The following ERGIC2 variants were observed in gnomAD, a reference collection of about 807,000 sequenced individuals.
ERGIC2 encodes the protein endoplasmic reticulum-Golgi intermediate compartment protein 2.
In ERGIC2, 31 loss-of-function variants were observed where a neutral mutation model predicts 52.5. That is an observed-to-expected ratio of 0.59 (90% CI 0.44 to 0.80). The LOEUF (loss-of-function observed/expected upper bound fraction) is 0.80, where lower values mean the gene tolerates loss of function less well. Among genes scored for constraint, ERGIC2 ranks in the 30% least tolerant of loss-of-function variants. The pLI is 0.00. For missense variants in ERGIC2, 395 were observed against 455.2 expected (o/e 0.87, Z 1.20); for synonymous variants, 129 against 140.6 (o/e 0.92, Z 0.58).
Position 29,370,156 on chromosome 12 carries a change from G to C in ERGIC2, c.173C>G (p.Thr58Arg). The C allele has an allele frequency of 1.3e-6, 2 of 1,545,458 alleles. No individual in the cohort carries two copies. Among genetic ancestry groups the C allele is most frequent in the Non-Finnish European group, 1.7e-6 (2 of 1,156,766 alleles). ...TACTTCGTATTCATACTTCATCCAT[G>C]TATCTTGATATACTGAGAATTCCAT... ...TIMEFSVYQD[T>R]WMKYEYEVDK... Residue 58 changes from threonine to arginine, a missense_variant, in exon 3 of 14, where the codon ACA becomes AGA. By Grantham distance (71) the Thr-to-Arg change is moderately conservative. Transcript: ENST00000360150.
chr12:29,344,077 T>C (rs1014571319), intron 11 of ERGIC2, among the ~76,000 whole-genome samples: 1 of 152,204 alleles, frequency 6.6e-6, no homozygotes, highest in African/African-American at 2.4e-5. Flanking sequence ...TTTAAAAATA[T>C]ACCCTGGAGA....
At chr12:29,348,224 C>T (rs1940084703) in intron 10 of ERGIC2, among the ~76,000 whole-genome samples, 1 of 151,930 alleles carries the variant, frequency 6.6e-6, no homozygotes, top group Non-Finnish European at 1.5e-5. Context: ...TTCTAAACAT[C>T]TTTAATATAT....
Position 29,340,901 on chromosome 12 carries a change from G to A in ERGIC2, c.*255C>T, listed in dbSNP as rs759796513. 68 of 510,308 alleles carry A rather than the reference G, an allele frequency of 1.3e-4. No individual in the cohort carries two copies. Among genetic ancestry groups the A allele is most frequent in the African/African-American group, 5.7e-4 (29 of 50,806 alleles). 31.6% of individuals were successfully genotyped at this position (510,308 alleles called of 1,614,324 possible). On this transcript the variant is annotated 3_prime_UTR_variant, in exon 14 of 14. Transcript: ENST00000360150. ...ATTTGCTATGAAAATATAAGAAGGC[G>A]TCATCTTCAAAGCAACACTCCAGTT...
chr12:29,349,184 G>A lies in ERGIC2; in HGVS notation c.629-7C>T. 1 of 1,449,376 alleles carries A rather than the reference G, an allele frequency of 6.9e-7. No homozygotes were observed. Among genetic ancestry groups the A allele is most frequent in the Non-Finnish European group, 9.4e-7 (1 of 1,065,512 alleles). 89.8% of individuals were successfully genotyped at this position (1,449,376 alleles called of 1,614,324 possible). A position where few individuals can be genotyped will look rare whatever the true frequency, so the allele number is the denominator to read the frequency against. ...CTATGAGAAAAATTGTAAGCTAAAA[G>A]GCAAAAAATAAAAACAACTTAGCAG... On this transcript the variant is annotated splice_region_variant and splice_polypyrimidine_tract_variant and intron_variant, in intron 9 of 13. Coordinates refer to ENST00000360150, the MANE Select transcript of ERGIC2 (RefSeq NM_016570.3).
At chr12:29,344,470 A>G (rs1466468965) in intron 11 of ERGIC2, among the ~76,000 whole-genome samples, 1 of 151,974 alleles carries the variant, frequency 6.6e-6, no homozygotes, top group Non-Finnish European at 1.5e-5. Flanking sequence ...GAATCTCCCT[A>G]CTCCTTAAAG....
At chr12:29,347,855 T>C (rs1236982632) in intron 10 of ERGIC2, among the ~76,000 whole-genome samples, 1 of 152,216 alleles carries the variant, frequency 6.6e-6, no homozygotes, top group Non-Finnish European at 1.5e-5. Context: ...AATATGACTC[T>C]AAATACCTCT....
chr12:29,354,578 C>T (rs1940176800), intron 8 of ERGIC2, among the ~76,000 whole-genome samples: 1 of 151,998 alleles, frequency 6.6e-6, no homozygotes, highest in Non-Finnish European at 1.5e-5. Context: ...TAATATGAGA[C>T]CTTCAAAAAG....
Position 29,349,134 on chromosome 12 carries a change from C to T in ERGIC2, c.672G>A (p.Glu224=), listed in dbSNP as rs1940097458. 1 of 1,581,786 alleles carries T rather than the reference C, an allele frequency of 6.3e-7. No homozygotes were observed. Among genetic ancestry groups the T allele is most frequent in the Non-Finnish European group, 8.6e-7 (1 of 1,165,610 alleles). ...AAGGATTAATAATTGCTGGAACAAG[C>T]TCTCCAAAAGACAAATGATCTATTC... The part of the protein sequence containing the change: ...SHRIDHLSFG[E]LVPAIINPLD... Residue 224 remains glutamate (E), a synonymous_variant, in exon 10 of 14, where the codon GAG becomes GAA. Coordinates refer to ENST00000360150, the MANE Select transcript of ERGIC2 (RefSeq NM_016570.3).
chr12:29,342,963 T>C (rs886667713), intron 12 of ERGIC2, among the ~76,000 whole-genome samples, 157 bp downstream of exon 12: 1 of 152,258 alleles, frequency 6.6e-6, no homozygotes, highest in Non-Finnish European at 1.5e-5. Flanking sequence ...TTATGTTTAC[T>C]GGTTAGTCAA....
chr12:29,379,255 T>C (rs1479832789), intron 1 of ERGIC2, among the ~76,000 whole-genome samples: 1 of 152,158 alleles, frequency 6.6e-6, no homozygotes, highest in Non-Finnish European at 1.5e-5. Flanking sequence ...ATGAAATATA[T>C]TTACAATAGA....
At chr12:29,354,067 C>T (rs1208171165) in intron 8 of ERGIC2, among the ~76,000 whole-genome samples, 1 of 151,970 alleles carries the variant, frequency 6.6e-6, no homozygotes, top group African/African-American at 2.4e-5. Flanking sequence ...TGGACAACAG[C>T]CACAGAAACA....
intron 3 of ERGIC2, among the ~76,000 whole-genome samples, chr12:29,368,757 G>A (rs926519673): frequency 6.6e-6 from 1 of 151,946 alleles, no homozygotes; most frequent in East Asian, 1.9e-4. Context: ...ATAAATGGAT[G>A]GCTTCACAGA....
Position 29,343,269 on chromosome 12 carries a change from TTAA to T in ERGIC2, c.836_838del (p.Ile279del), listed in dbSNP as rs1352967394. ...GACTCCATGGCTGCCTGCAGCATGG[TTAA>T]TGATACGTTCCTAAAAGGGAGGCAA... is the stretch of plus-strand genomic sequence containing the variant. On this transcript the variant is annotated inframe_deletion, in exon 12 of 14. Transcript: ENST00000360150. The T allele has an allele frequency of 3.1e-6, 5 of 1,588,062 alleles. No individual in the cohort carries two copies. Among genetic ancestry groups the T allele is most frequent in the Non-Finnish European group, 4.3e-6 (5 of 1,166,816 alleles).
chr12:29,357,760 G>A (rs369543034), intron 6 of ERGIC2, 36 bp from the exon 7 acceptor site: 1 of 1,185,894 alleles, frequency 8.4e-7, no homozygotes, highest in Non-Finnish European at 1.3e-6. Flanking sequence ...CTACAGAAAG[G>A]TACACAAAGA....
In ERGIC2 at chr12:29,348,170, C is replaced by T. The variant is rs1279416179; in HGVS notation, c.727+909G>A. Among the ~76,000 whole-genome samples, 2 of 152,008 alleles carry T rather than the reference C, an allele frequency of 1.3e-5. 1 individual carries two copies. Among genetic ancestry groups the T allele is most frequent in the Non-Finnish European group, 2.9e-5 (2 of 67,962 alleles). ...CAGGTTTCCTGAAGTGAAACATTCCCACATGAACATAAAATATTCATGAAT... is the reference window on the plus strand; with the variant it reads ...CAGGTTTCCTGAAGTGAAACATTCCTACATGAACATAAAATATTCATGAAT... On this transcript the variant is annotated intron_variant, in intron 10 of 13. Transcript: ENST00000360150.
intron 5 of ERGIC2, among the ~76,000 whole-genome samples, chr12:29,365,080 T>C (rs7296053): frequency 0.015 from 2,335 of 152,160 alleles, 55 homozygotes; most frequent in African/African-American, 0.053. Context: ...TAGAGTATTA[T>C]TTAACCCAGC....
intron 12 of ERGIC2, among the ~76,000 whole-genome samples, chr12:29,342,367 T>C (rs1299455242): frequency 6.6e-6 from 1 of 152,198 alleles, no homozygotes; most frequent in Admixed American, 6.5e-5. Flanking sequence ...GGAAAATAAA[T>C]GATGTCAACA....
chr12:29,356,003 T>C (rs532791463), intron 8 of ERGIC2, among the ~76,000 whole-genome samples: 1 of 152,188 alleles, frequency 6.6e-6, no homozygotes, highest in South Asian at 2.1e-4. Flanking sequence ...GTTAGCTGTA[T>C]TTATTTGATT....
intron 10 of ERGIC2, among the ~76,000 whole-genome samples, chr12:29,347,509 T>C (rs1218612645): frequency 6.6e-6 from 1 of 152,128 alleles, no homozygotes; most frequent in Non-Finnish European, 1.5e-5. Flanking sequence ...TCATAGGCAA[T>C]CTCCTTTATT....
Sources: gnomAD v4.1 joint callset for allele counts (sites outside exome capture counted in the v4.1 genomes callset) on GRCh38, gnomAD v4.1.1 for gene constraint, MANE v1.5 for transcripts, NCBI Gene and HGNC (gene_info 2026-07-23, HGNC 2026-07-21) for gene names.